The following APBB2 variants were observed in gnomAD, a reference collection of about 807,000 sequenced individuals.
APBB2 encodes Fe65-like 1.
In APBB2, 38 loss-of-function variants were observed where a neutral mutation model predicts 82.5. That is an observed-to-expected ratio of 0.46 (90% CI 0.36 to 0.60). The LOEUF is 0.60. APBB2 is among the 20% of genes least tolerant of loss of function. APBB2 has a pLI of 0.00. For missense variants in APBB2, 772 were observed against 972.3 expected, an observed-to-expected ratio of 0.79 and a Z score of 2.74; for synonymous variants, 341 against 368.2, an observed-to-expected ratio of 0.93 and a Z score of 0.85.
intron 6 of APBB2, among the ~76,000 whole-genome samples, chr4:41,004,944 C>A (rs185909932): frequency 1.7e-3 from 257 of 150,824 alleles, no homozygotes; most frequent in South Asian, 2.5e-3. Context: ...TTCACAAATT[C>A]TTGAACTATT....
At chr4:40,960,125 T>C (rs1238143621) in intron 6 of APBB2, among the ~76,000 whole-genome samples, 2 of 152,162 alleles carry the variant, frequency 1.3e-5, no homozygotes, top group Admixed American at 1.3e-4. Flanking sequence ...TAATATTTGA[T>C]GTAAAAAAGG....
rs536728099 is a variant in APBB2, at chr4:41,200,545, C to T, written c.-417+13860G>A. 2.8e-4 allele frequency among the ~76,000 whole-genome samples: 43 copies of T among 152,252 alleles called. 1 individual carries two copies. In the South Asian group the frequency reaches 8.5e-3, roughly 30 times the overall value. On this transcript the variant is annotated intron_variant, in intron 1 of 17. Transcript: ENST00000508593. Reference sequence around the variant, plus strand: ...GAGACTGCCAGTTGCTCTCCCCTGGCGGCTGGAACTTATCCTCCGTGATTA... The same window carrying T: ...GAGACTGCCAGTTGCTCTCCCCTGGTGGCTGGAACTTATCCTCCGTGATTA...
intron 4 of APBB2, among the ~76,000 whole-genome samples, chr4:41,058,094 C>A (rs774993618): frequency 6.6e-6 from 1 of 152,180 alleles, no homozygotes; most frequent in Non-Finnish European, 1.5e-5. Context: ...CAAAAGCAGA[C>A]ACCAGGTAGG....
chr4:40,933,832 G>C (rs1300039038), intron 10 of APBB2, among the ~76,000 whole-genome samples: 1 of 152,190 alleles, frequency 6.6e-6, no homozygotes, highest in Non-Finnish European at 1.5e-5. Flanking sequence ...AGAATTTCCT[G>C]ACAGCAACCT....
chr4:40,894,514 A>AAT (rs1231905930), intron 10 of APBB2, among the ~76,000 whole-genome samples: 4 of 152,198 alleles, frequency 2.6e-5, no homozygotes, highest in Non-Finnish European at 5.9e-5. Flanking sequence ...TGTTTTCTCT[A>AAT]ATACCCAGAA....
chr4:40,864,566 T>C (rs78085593), intron 12 of APBB2, among the ~76,000 whole-genome samples: 1 of 152,138 alleles, frequency 6.6e-6, no homozygotes, highest in Non-Finnish European at 1.5e-5. Flanking sequence ...ATAATAAATG[T>C]GTATAACAAG....
At chr4:41,156,874 G>A (rs1287015534) in intron 1 of APBB2, among the ~76,000 whole-genome samples, 5 of 151,852 alleles carry the variant, frequency 3.3e-5, no homozygotes, top group South Asian at 4.2e-4. Flanking sequence ...GAGACCAGCC[G>A]GACTAACATG....
intron 6 of APBB2, among the ~76,000 whole-genome samples, chr4:40,983,946 G>A (rs1044935622): frequency 1.3e-5 from 2 of 152,184 alleles, no homozygotes; most frequent in African/African-American, 4.8e-5. Flanking sequence ...ATTTGTAATT[G>A]CAAAACTGCT....
chr4:40,839,839 A>C (rs1372382189), intron 12 of APBB2, among the ~76,000 whole-genome samples: 1 of 151,962 alleles, frequency 6.6e-6, no homozygotes, highest in African/African-American at 2.4e-5. Context: ...TAATTTTTAT[A>C]TTTTTAGTAG....
chr4:41,015,109 C>T (rs977242453), intron 5 of APBB2, among the ~76,000 whole-genome samples: 2 of 152,168 alleles, frequency 1.3e-5, no homozygotes, highest in Non-Finnish European at 2.9e-5. Context: ...TGTTAGAGCT[C>T]CCAGAGGAGT....
chr4:41,035,903 G>A (rs892658776), intron 4 of APBB2, among the ~76,000 whole-genome samples: 8 of 152,096 alleles, frequency 5.3e-5, no homozygotes, highest in Admixed American at 1.3e-4. Context: ...CAGGTACAGC[G>A]GCTCATGCAC....
At chr4:41,196,004 C>CA in intron 1 of APBB2, among the ~76,000 whole-genome samples, 1 of 149,188 alleles carries the variant, frequency 6.7e-6, no homozygotes, top group Admixed American at 6.6e-5. Context: ...ACCGAAACTA[C>CA]AAAAAATTAG....
At chr4:40,935,483 A>C in intron 7 of APBB2, 1 of 216,212 alleles carries the variant, frequency 4.6e-6, no homozygotes, top group Non-Finnish European at 9.0e-6. Context: ...CATAATAATC[A>C]TTTTCCTCCC....
chr4:41,157,481 C>T (rs1330159120), intron 1 of APBB2, among the ~76,000 whole-genome samples: 9 of 152,182 alleles, frequency 5.9e-5, no homozygotes, highest in South Asian at 2.1e-4. Context: ...TAATCCCAAA[C>T]GCTCTACCGA....
At chr4:40,861,276 GGAGGCA>G (rs1762691408) in intron 12 of APBB2, among the ~76,000 whole-genome samples, 1 of 152,058 alleles carries the variant, frequency 6.6e-6, no homozygotes, top group African/African-American at 2.4e-5. Flanking sequence ...CTTGAACTTG[GGAGGCA>G]GAGGTTGCAG....
intron 2 of APBB2, among the ~76,000 whole-genome samples, chr4:41,133,677 G>C (rs1371734094): frequency 6.6e-6 from 1 of 152,198 alleles, no homozygotes; most frequent in Non-Finnish European, 1.5e-5. Flanking sequence ...ATGCTACCAG[G>C]TGAGAATACT....
intron 10 of APBB2, among the ~76,000 whole-genome samples, chr4:40,928,676 A>G (rs1404279582): frequency 3.3e-5 from 5 of 152,064 alleles, no homozygotes; most frequent in Non-Finnish European, 7.4e-5. Flanking sequence ...ACTTGAGATC[A>G]GAATTCGAGG....
intron 12 of APBB2, among the ~76,000 whole-genome samples, chr4:40,855,645 A>G (rs777927599): frequency 1.3e-5 from 2 of 152,080 alleles, no homozygotes; most frequent in Non-Finnish European, 2.9e-5. Context: ...CTGAGGCAGG[A>G]GAATCACTTG....
intron 1 of APBB2, among the ~76,000 whole-genome samples, chr4:41,209,415 T>A (rs1284576701): frequency 1.3e-5 from 2 of 152,238 alleles, no homozygotes; most frequent in East Asian, 3.9e-4. Context: ...CTCCTGCTAC[T>A]GCAGCAGCCA....
Sources: allele counts gnomAD v4.1 joint callset (sites outside exome capture counted in the v4.1 genomes callset), GRCh38; gene constraint gnomAD v4.1.1; transcripts MANE v1.5; gene names NCBI Gene and HGNC (gene_info 2026-07-23, HGNC 2026-07-21).